Variants in ANK3 observed in about 807,000 individuals in gnomAD.
The protein encoded by ANK3 is ankyrin 3, also known as ankyrin-3.
A neutral mutation model predicts 370.9 loss-of-function variants in ANK3; 57 were observed. That is an observed-to-expected ratio of 0.15 (90% CI 0.12 to 0.19). The LOEUF (loss-of-function observed/expected upper bound fraction) is 0.19, where lower values mean the gene tolerates loss of function less well. Ranked by LOEUF, ANK3 falls within the 10% of genes least tolerant of loss-of-function variation. The probability of loss-of-function intolerance (pLI) is 1.00; values close to 1 mark genes in which losing one functional copy is unlikely to be tolerated. For synonymous variants in ANK3, 1,929 were observed against 1,946.3 expected (o/e 0.99, Z 0.23); for missense variants, 4,439 against 5,302.1 (o/e 0.84, Z 5.06).
chr10:60,202,932 T>G, intron 12 of ANK3, 70 bp downstream of exon 12: 1 of 1,070,580 alleles, frequency 9.3e-7, no homozygotes, highest in Non-Finnish European at 1.4e-6. Context: ...ATAAAAAAAG[T>G]AGATAAAAAC....
intron 1 of ANK3, among the ~76,000 whole-genome samples, chr10:60,361,228 G>A (rs1002442213): frequency 6.6e-6 from 1 of 152,002 alleles, no homozygotes; most frequent in African/African-American, 2.4e-5. Flanking sequence ...TTTACCTTTC[G>A]AATATATTTT....
At chr10:60,436,844 G>T (rs1006519482) in intron 2 of ANK3, among the ~76,000 whole-genome samples, 2 of 152,164 alleles carry the variant, frequency 1.3e-5, no homozygotes, top group Non-Finnish European at 2.9e-5. Flanking sequence ...GTTGCACACG[G>T]TGTCACATCA....
At chr10:60,343,914 A>C (rs924900114) in intron 1 of ANK3, among the ~76,000 whole-genome samples, 11 of 152,204 alleles carry the variant, frequency 7.2e-5, no homozygotes, top group Non-Finnish European at 1.6e-4. Context: ...AGTGATGCTG[A>C]TGTAGTTAAT....
In ANK3 at chr10:60,084,959, A is replaced by G. The variant is rs187842101; in HGVS notation, c.3846-129T>C. Reference sequence around the variant, plus strand: ...CAAAACGTTATTAACTTGTTCATTTAAACAGCAAAGATGCTTTTTCGATGT... The same window carrying G: ...CAAAACGTTATTAACTTGTTCATTTGAACAGCAAAGATGCTTTTTCGATGT... On this transcript the variant is annotated intron_variant, in intron 31 of 43. Coordinates refer to ENST00000280772, the MANE Select transcript of ANK3 (RefSeq NM_020987.5). The G allele has an allele frequency of 2.4e-3, 1,913 of 783,730 alleles. 6 individuals carry two copies. Among genetic ancestry groups the G allele is most frequent in the Non-Finnish European group, 3.4e-3 (1,749 of 511,504 alleles). The allele number at this position is 783,730 out of a possible 1,614,324, so 48.5% of individuals were successfully genotyped here.
chr10:60,055,733 A>G lies in ANK3; in HGVS notation c.12990T>C (p.Ser4330=), dbSNP rs141849652. The change falls in exon 42 of 44, where the codon AGT becomes AGC. Residue 4330 remains serine, a synonymous_variant. Coordinates refer to ENST00000280772, the MANE Select transcript of ANK3 (RefSeq NM_020987.5). ...GCTTGCCATCTGCTGGAGAAGTCCT[A>G]CTCATCTTTTTCATACTGACAGGCA... The part of the protein sequence containing the change: ...PCVPVSMKKM[S]RTSPADGKPR... 1.2e-4 allele frequency: 191 copies of G among 1,613,952 alleles called. No individual in the cohort carries two copies. In the African/African-American group the frequency reaches 2.4e-3, roughly 20 times the overall value.
intron 2 of ANK3, among the ~76,000 whole-genome samples, chr10:60,474,094 C>T (rs1329814023): frequency 6.6e-6 from 1 of 151,786 alleles, no homozygotes; most frequent in African/African-American, 2.4e-5. Flanking sequence ...GATCACACCA[C>T]TGCACTCCAG....
At position 60,177,733 on chromosome 10, in the gene ANK3, G is replaced by A. The variant is rs187489585; in HGVS notation, c.2184+3596C>T. On this transcript the variant is annotated intron_variant, in intron 18 of 43. Coordinates refer to ENST00000280772, the MANE Select transcript of ANK3 (RefSeq NM_020987.5). ...CTGCCTCAGCCTCCCGAGTAGCTGG[G>A]ACTACAGGCACCCGCCACCATGCCC... 4.8e-3 allele frequency among the ~76,000 whole-genome samples: 736 copies of A among 151,782 alleles called. 11 individuals are homozygous for A. Among genetic ancestry groups the A allele is most frequent in the Middle Eastern group, 0.01 (3 of 294 alleles).
intron 2 of ANK3, among the ~76,000 whole-genome samples, chr10:60,517,740 T>C (rs1436428418): frequency 6.8e-6 from 1 of 147,978 alleles, no homozygotes; most frequent in East Asian, 2.0e-4. Flanking sequence ...AAGACACTAT[T>C]ATTAAAAAAG....
chr10:60,231,535 T>A (rs899345952), intron 8 of ANK3, among the ~76,000 whole-genome samples: 3 of 152,184 alleles, frequency 2.0e-5, no homozygotes, highest in Admixed American at 1.3e-4. Flanking sequence ...GCTACCGGAC[T>A]GGGTAGTTAG....
chr10:60,558,986 A>T (rs1365050616), intron 2 of ANK3, among the ~76,000 whole-genome samples: 1 of 152,196 alleles, frequency 6.6e-6, no homozygotes, highest in African/African-American at 2.4e-5. Context: ...GACTTGGGAG[A>T]CAAGGACCTG....
At chr10:60,358,115 C>A (rs908705751) in intron 1 of ANK3, among the ~76,000 whole-genome samples, 52 of 14,168 alleles carry the variant, frequency 3.7e-3, no homozygotes, top group African/African-American at 9.4e-3. Flanking sequence ...CACACACACA[C>A]ACACAAACAC....
chr10:60,162,184 A>G (rs2095516873), intron 23 of ANK3, among the ~76,000 whole-genome samples: 1 of 152,184 alleles, frequency 6.6e-6, no homozygotes. Context: ...GAAACATTTC[A>G]AGTTGGAATA....
intron 28 of ANK3, among the ~76,000 whole-genome samples, chr10:60,102,673 C>T (rs1331426029): frequency 6.6e-6 from 1 of 152,180 alleles, no homozygotes; most frequent in African/African-American, 2.4e-5. Flanking sequence ...GGAACATAAA[C>T]TGATATTTAC....
rs192333132 is a variant in ANK3, at chr10:60,069,676, T to C, written c.11205A>G (p.Lys3735=). 216 of 1,614,166 alleles carry C rather than the reference T, an allele frequency of 1.3e-4. No individual in the cohort carries two copies. The highest frequency in any genetic ancestry group is 1.7e-4 in the Non-Finnish European group (204 of 1,180,014). The change falls in exon 37 of 44, where the codon AAA becomes AAG. Residue 3735 remains lysine, a synonymous_variant. Coordinates refer to ENST00000280772, the MANE Select transcript of ANK3 (RefSeq NM_020987.5). ...TATCTGTTATTTCTCCAGGGCCTTC[T>C]TTCTTCATGGTCATGGTGGATGCAG... ...GISASTMTMK[K]EGPGEITDKI... is the part of the protein sequence containing the mutation.
chr10:60,090,685 T>C (rs1005111820), intron 28 of ANK3, among the ~76,000 whole-genome samples: 1 of 152,208 alleles, frequency 6.6e-6, no homozygotes, highest in Non-Finnish European at 1.5e-5. Context: ...ATAATTTACA[T>C]GGAAATGCCA....
chr10:60,444,087 A>T (rs1337665660), intron 2 of ANK3, among the ~76,000 whole-genome samples: 1 of 151,972 alleles, frequency 6.6e-6, no homozygotes, highest in Non-Finnish European at 1.5e-5. Context: ...ATGTATCTCA[A>T]ATGTTAGCAT....
chr10:60,039,781 A>G (rs1001331666), intron 43 of ANK3, among the ~76,000 whole-genome samples: 6 of 152,174 alleles, frequency 3.9e-5, no homozygotes, highest in African/African-American at 1.4e-4. Context: ...GGTTATATAT[A>G]TAATTATTTA....
At chr10:60,339,009 C>T (rs531586005) in intron 1 of ANK3, among the ~76,000 whole-genome samples, 117 of 131,664 alleles carry the variant, frequency 8.9e-4, no homozygotes, top group Admixed American at 1.6e-3. Context: ...TTTCCAAAGA[C>T]AATTAGCATA....
chr10:60,586,045 C>A (rs10994420), intron 2 of ANK3, among the ~76,000 whole-genome samples: 27,912 of 148,904 alleles, frequency 0.19, 3,133 homozygotes, highest in East Asian at 0.37. Flanking sequence ...CAAAAACAAA[C>A]AAACAAAAAA....
Sources: allele counts gnomAD v4.1 joint callset (sites outside exome capture counted in the v4.1 genomes callset), GRCh38; gene constraint gnomAD v4.1.1; transcripts MANE v1.5; gene names NCBI Gene and HGNC (gene_info 2026-07-23, HGNC 2026-07-21).